Variants in ADAM29 observed in about 807,000 individuals in gnomAD.
ADAM29 encodes disintegrin and metalloproteinase domain-containing protein 29.
For synonymous variants in ADAM29, 367 were observed against 342.3 expected, an observed-to-expected ratio of 1.07 and a Z score of -0.80; for missense variants, 969 against 1,001.8, an observed-to-expected ratio of 0.97 and a Z score of 0.44.
chr4:174,941,775 T>A (rs1172951925), intron 4 of ADAM29, among the ~76,000 whole-genome samples: 3 of 152,160 alleles, frequency 2.0e-5, no homozygotes, highest in African/African-American at 7.2e-5. Context: ...AAACCAATTA[T>A]ACCTTCCCAA....
chr4:174,967,553 G>A (rs1357765141), intron 4 of ADAM29, among the ~76,000 whole-genome samples: 2 of 152,050 alleles, frequency 1.3e-5, no homozygotes, highest in African/African-American at 4.8e-5. Context: ...TCCTTCAAAA[G>A]CTTTTGACCC....
At position 174,956,032 on chromosome 4, in the gene ADAM29, C is replaced by T. The variant is rs77477747; in HGVS notation, c.-181+19019C>T. ...CTCAGGACAGACTATATGTTTTAGA[C>T]GAGGTCTTAAGACACATAATAATCT... On this transcript the variant is annotated intron_variant, in intron 4 of 4. Coordinates refer to ENST00000359240, the MANE Select transcript of ADAM29 (RefSeq NM_014269.4). Among the ~76,000 whole-genome samples the T allele has an allele frequency of 1.3e-3, 194 of 152,100 alleles. 1 individual carries two copies. The highest frequency in any genetic ancestry group is 2.4e-3 in the Non-Finnish European group (166 of 67,878).
Position 174,977,297 on chromosome 4 carries a change from A to G in ADAM29, c.1772A>G (p.Lys591Arg). 3 of 1,613,818 alleles carry G rather than the reference A, an allele frequency of 1.9e-6. No individual in the cohort carries two copies. The highest frequency in any genetic ancestry group is 1.7e-6 in the Non-Finnish European group (2 of 1,180,002). ...CWSTDYHLGM[K>R]GPDIGEVKDG... ...AGTACTGATTACCATTTGGGGATGA[A>G]GGGACCTGATATTGGTGAAGTGAAA... The change falls in exon 5 of 5, where the codon AAG becomes AGG. Residue 591 changes from lysine to arginine, a missense_variant. Physicochemically the swap from Lys to Arg is conservative, Grantham distance 26. Coordinates refer to ENST00000359240, the MANE Select transcript of ADAM29 (RefSeq NM_014269.4).
Position 174,978,033 on chromosome 4 carries a change from G to A in ADAM29, c.*45G>A, listed in dbSNP as rs1359984729. ...CTTCCCAGAGTCAACCTCCTGTGAC[G>A]CCCTCCCAGAGCCAACCTCGGGTGA... On this transcript the variant is annotated 3_prime_UTR_variant, in exon 5 of 5. Coordinates refer to ENST00000359240, the MANE Select transcript of ADAM29 (RefSeq NM_014269.4). 22 of 1,595,390 alleles carry A rather than the reference G, an allele frequency of 1.4e-5. No homozygotes were observed. The highest frequency in any genetic ancestry group is 5.6e-5 in the South Asian group (5 of 89,068).
intron 4 of ADAM29, among the ~76,000 whole-genome samples, chr4:174,973,589 A>T (rs989939529): frequency 3.3e-5 from 5 of 152,124 alleles, no homozygotes; most frequent in African/African-American, 9.7e-5. Context: ...TAAACTTTCT[A>T]TTTTAGAAGA....
Position 174,976,420 on chromosome 4 carries a change from G to A in ADAM29, c.895G>A (p.Gly299Ser), listed in dbSNP as rs1408512430. ...AACTCTAGGATTAAGAGGGTTAAGT[G>A]GCATAGGAGCTTTTAGAGGAATGTG... The part of the protein sequence containing the change: ...FTTLGLRGLS[G>S]IGAFRGMCTP... The change falls in exon 5 of 5, where the codon GGC becomes AGC. Residue 299 changes from glycine (G) to serine (S), a missense_variant. By Grantham distance (56) the Gly-to-Ser change is moderately conservative (BLOSUM62 0). Transcript: ENST00000359240. The A allele has an allele frequency of 6.3e-7, 1 of 1,597,616 alleles. No homozygotes were observed. Among genetic ancestry groups the A allele is most frequent in the Non-Finnish European group, 8.5e-7 (1 of 1,173,198 alleles).
At chr4:174,941,132 TA>T (rs2110973533) in intron 4 of ADAM29, among the ~76,000 whole-genome samples, 1 of 152,286 alleles carries the variant, frequency 6.6e-6, no homozygotes, top group African/African-American at 2.4e-5. Flanking sequence ...ATAGATGGTA[TA>T]AAAAAGAAGA....
intron 4 of ADAM29, among the ~76,000 whole-genome samples, chr4:174,952,019 T>C (rs1357659566): frequency 6.6e-6 from 1 of 152,152 alleles, no homozygotes; most frequent in African/African-American, 2.4e-5. Flanking sequence ...ATTTTAAGTG[T>C]TTTTACCACA....
At chr4:174,952,034 T>C (rs1745206321) in intron 4 of ADAM29, among the ~76,000 whole-genome samples, 1 of 152,172 alleles carries the variant, frequency 6.6e-6, no homozygotes, top group African/African-American at 2.4e-5. Flanking sequence ...ACCACACAAA[T>C]ATGATAAGTA....
intron 4 of ADAM29, among the ~76,000 whole-genome samples, chr4:174,954,434 G>A (rs369430352): frequency 2.6e-5 from 4 of 152,054 alleles, no homozygotes; most frequent in East Asian, 3.9e-4. Context: ...GCTAAAATTC[G>A]TTCTTATTTT....
chr4:174,938,695 G>A (rs957867089), intron 4 of ADAM29, among the ~76,000 whole-genome samples: 1 of 152,062 alleles, frequency 6.6e-6, no homozygotes, highest in Non-Finnish European at 1.5e-5. Context: ...CTTGACTGGG[G>A]CTCAGGATAA....
At position 174,936,977 on chromosome 4, in the gene ADAM29, A is replaced by G. The variant is rs1229339973; in HGVS notation, c.-217A>G. 6.6e-6 allele frequency: 1 copy of G among 151,998 alleles called. No individual in the cohort carries two copies. Among genetic ancestry groups the G allele is most frequent in the African/African-American group, 2.4e-5 (1 of 41,436 alleles). 9.4% of individuals were successfully genotyped at this position (151,998 alleles called of 1,614,324 possible). ...CAACAGGAGCAAGAATCAATGCCAG[A>G]TTCTCTTCTCTAAAAATAATCAATT... On this transcript the variant is annotated 5_prime_UTR_variant, in exon 4 of 5. Coordinates refer to ENST00000359240, the MANE Select transcript of ADAM29 (RefSeq NM_014269.4).
intron 4 of ADAM29, among the ~76,000 whole-genome samples, chr4:174,956,622 T>C (rs893943524): frequency 6.6e-6 from 1 of 151,842 alleles, no homozygotes; most frequent in East Asian, 1.9e-4. Flanking sequence ...ATAATCATTG[T>C]GGTGGTAATA....
chr4:174,919,518 G>A (rs1324427661), intron 1 of ADAM29, among the ~76,000 whole-genome samples: 1 of 152,168 alleles, frequency 6.6e-6, no homozygotes, highest in Admixed American at 6.5e-5. Flanking sequence ...CAAGGCATTA[G>A]CCACGTTGCA....
chr4:174,961,172 T>C (rs1291399672), intron 4 of ADAM29, among the ~76,000 whole-genome samples: 5 of 152,034 alleles, frequency 3.3e-5, no homozygotes, highest in African/African-American at 4.8e-5. Context: ...ATATTGTCTT[T>C]TGACACATTT....
At position 174,976,562 on chromosome 4, in the gene ADAM29, CATGTCGTTGTTCACAACCTAG is replaced by C; in HGVS notation, c.1041_1061del (p.Arg348_Cys354del). On this transcript the variant is annotated inframe_deletion, in exon 5 of 5. Transcript: ENST00000359240. ...TTGGGCATGAACCATGATGAGGATA[CATGTCGTTGTTCACAACCTAG>C]ATGCATAATGCATGAAGGCAACCCA... 1 of 1,600,764 alleles carries C rather than the reference CATGTCGTTGTTCACAACCTAG, an allele frequency of 6.2e-7. No individual in the cohort carries two copies. Among genetic ancestry groups the C allele is most frequent in the South Asian group, 1.1e-5 (1 of 88,124 alleles).
intron 4 of ADAM29, among the ~76,000 whole-genome samples, chr4:174,941,948 A>G (rs548484393): frequency 6.6e-6 from 1 of 152,194 alleles, no homozygotes; most frequent in Non-Finnish European, 1.5e-5. Context: ...ATATTTTTCC[A>G]TTCCAAAAGG....
intron 3 of ADAM29, 67 bp downstream of exon 3, chr4:174,931,241 A>G (rs1743851624): frequency 6.6e-6 from 1 of 152,256 alleles, no homozygotes; most frequent in African/African-American, 2.4e-5. Context: ...CAACACTGGC[A>G]TGTGCGCAGA....
intron 4 of ADAM29, among the ~76,000 whole-genome samples, chr4:174,961,682 G>A (rs1289833308): frequency 6.6e-6 from 1 of 152,004 alleles, no homozygotes; most frequent in Admixed American, 6.6e-5. Context: ...TTCATAATAA[G>A]AAATAAAACA....
Sources: gnomAD v4.1 joint callset for allele counts (sites outside exome capture counted in the v4.1 genomes callset) on GRCh38, gnomAD v4.1.1 for gene constraint, MANE v1.5 for transcripts, NCBI Gene and HGNC (gene_info 2026-07-23, HGNC 2026-07-21) for gene names.